RUFY3: variants seen among roughly 807,000 people sequenced by gnomAD.
RUFY3 encodes the protein protein RUFY3.
RUFY3 carries 34 observed loss-of-function variants against 84.0 expected under a neutral mutation model. The ratio of observed to expected loss-of-function variants is 0.40; its 90% CI spans 0.31 to 0.54. RUFY3 has a LOEUF of 0.54. Among genes scored for constraint, RUFY3 ranks in the 20% least tolerant of loss-of-function variants. The probability of loss-of-function intolerance (pLI) is 0.39; values close to 1 mark genes in which losing one functional copy is unlikely to be tolerated. For missense variants in RUFY3, 507 were observed against 736.8 expected, an observed-to-expected ratio of 0.69 and a Z score of 3.61; for synonymous variants, 242 against 252.9, an observed-to-expected ratio of 0.96 and a Z score of 0.41.
rs559867067 is a variant in RUFY3, at chr4:70,728,489, C to G, written c.178+5738C>G. Reference sequence around the variant, plus strand: ...AAGTTGAAATATCGGAAGTTGAACCCTCATAAGCCAGGGACTGTCTGTGAA... The same window carrying G: ...AAGTTGAAATATCGGAAGTTGAACCGTCATAAGCCAGGGACTGTCTGTGAA... On this transcript the variant is annotated intron_variant, in intron 1 of 17. Transcript: ENST00000381006. Among the ~76,000 whole-genome samples, 13 of 152,302 alleles carry G rather than the reference C, an allele frequency of 8.5e-5. No homozygotes were observed. In the East Asian group the frequency reaches 2.5e-3, roughly 29 times the overall value.
chr4:70,795,409 A>G (rs1229921228), intron 14 of RUFY3, among the ~76,000 whole-genome samples: 1 of 152,186 alleles, frequency 6.6e-6, no homozygotes. Flanking sequence ...AATACAGAAT[A>G]AAGAGCAAAA....
intron 1 of RUFY3, among the ~76,000 whole-genome samples, chr4:70,724,179 A>G (rs752343051): frequency 9.9e-5 from 15 of 152,274 alleles, no homozygotes; most frequent in Admixed American, 4.6e-4. Flanking sequence ...GTTACATCCA[A>G]CAATTCCAGT....
In RUFY3 at chr4:70,806,913, T is replaced by C. The variant is rs1173325563; in HGVS notation, c.*254T>C. On this transcript the variant is annotated 3_prime_UTR_variant, in exon 18 of 18. Coordinates refer to ENST00000381006, the MANE Select transcript of RUFY3 (RefSeq NM_001037442.4). ...TCTAAACAACCTGATATTGAAGGTT[T>C]GCTTTATAGCATATCTTTGGAAAGG... 1 of 354,796 alleles carries C rather than the reference T, an allele frequency of 2.8e-6. No homozygotes were observed. The highest frequency in any genetic ancestry group is 4.8e-5 in the East Asian group (1 of 20,944). The allele number at this position is 354,796 out of a possible 1,614,324, so 22.0% of individuals were successfully genotyped here. A position where few individuals can be genotyped will look rare whatever the true frequency, so the allele number is the denominator to read the frequency against.
intron 1 of RUFY3, among the ~76,000 whole-genome samples, chr4:70,749,035 A>G (rs899206076): frequency 2.6e-5 from 4 of 152,114 alleles, no homozygotes; most frequent in Non-Finnish European, 5.9e-5. Flanking sequence ...TCTAACTGCG[A>G]TTGCCCTCTC....
At chr4:70,721,825 C>T, upstream of RUFY3, 7 of 984,156 alleles carry the variant, frequency 7.1e-6, no homozygotes, top group Non-Finnish European at 8.4e-6. Context: ...TTGACTAGCA[C>T]AGTCTGGAAG....
At chr4:70,778,618 T>C (rs1196725448) in intron 8 of RUFY3, among the ~76,000 whole-genome samples, 180 bp downstream of exon 8, 1 of 150,548 alleles carries the variant, frequency 6.6e-6, no homozygotes, top group African/African-American at 2.4e-5. Context: ...TCGCTTTTGT[T>C]GCCCAGGCTG....
Position 70,764,529 on chromosome 4 carries a change from A to G in RUFY3, c.525A>G (p.Lys175=). ...TTCGTTTGGCATTAATGCAAAAGAAACTTTCAGAATATATGAAAGCTTTGA... is the reference window on the plus strand; with the variant it reads ...TTCGTTTGGCATTAATGCAAAAGAAGCTTTCAGAATATATGAAAGCTTTGA... ...AWLRLALMQK[K]LSEYMKALIN... is the part of the protein sequence containing the mutation. Residue 175 remains lysine, a synonymous_variant, in exon 4 of 18, where the codon AAA becomes AAG. Coordinates refer to ENST00000381006, the MANE Select transcript of RUFY3 (RefSeq NM_001037442.4). The G allele has an allele frequency of 6.2e-7, 1 of 1,613,812 alleles. No homozygotes were observed. Among genetic ancestry groups the G allele is most frequent in the Non-Finnish European group, 8.5e-7 (1 of 1,179,866 alleles).
intron 1 of RUFY3, among the ~76,000 whole-genome samples, chr4:70,743,195 A>G (rs1721597880): frequency 1.3e-5 from 2 of 151,840 alleles, no homozygotes; most frequent in Admixed American, 6.6e-5. Context: ...TCAGCTTCCT[A>G]AGTAGCTGGG....
chr4:70,705,321 C>A, intron 1 of RUFY3: 6 of 1,335,910 alleles, frequency 4.5e-6, no homozygotes, highest in Non-Finnish European at 5.7e-6. Flanking sequence ...CATGGGGACG[C>A]CCGCGGGGAA....
chr4:70,792,591 G>GT (rs1017116595), intron 12 of RUFY3: 3 of 985,134 alleles, frequency 3.0e-6, no homozygotes, highest in African/African-American at 3.5e-5. Context: ...AAATACTTGG[G>GT]TTTTTTTCTC....
intron 1 of RUFY3, among the ~76,000 whole-genome samples, chr4:70,759,884 C>A (rs2148698939): frequency 6.6e-6 from 1 of 152,234 alleles, no homozygotes; most frequent in African/African-American, 2.4e-5. Context: ...GTTGTCTTAA[C>A]CCACCAAAAA....
At chr4:70,713,936 A>C (rs1346982455) in intron 1 of RUFY3, among the ~76,000 whole-genome samples, 1 of 151,960 alleles carries the variant, frequency 6.6e-6, no homozygotes. Context: ...TTATGTGTTG[A>C]TAGGGTTTTT....
intron 10 of RUFY3, among the ~76,000 whole-genome samples, chr4:70,785,951 T>C (rs1343009986): frequency 1.3e-5 from 2 of 152,234 alleles, no homozygotes; most frequent in African/African-American, 4.8e-5. Context: ...TCTGTACTCC[T>C]ATGTTTATTG....
At chr4:70,733,096 GA>G (rs1238396587) in intron 1 of RUFY3, among the ~76,000 whole-genome samples, 16 of 43,016 alleles carry the variant, frequency 3.7e-4, no homozygotes, top group East Asian at 1.4e-3. Context: ...AGAGAGAGAG[GA>G]GAGAGAGAGA....
intron 1 of RUFY3, among the ~76,000 whole-genome samples, chr4:70,730,599 C>T (rs1246426889): frequency 4.1e-5 from 6 of 146,540 alleles, no homozygotes; most frequent in African/African-American, 7.9e-5. Context: ...ATTAGCTGGG[C>T]GTGGTGGCAG....
chr4:70,729,090 A>T (rs957945234), intron 1 of RUFY3, among the ~76,000 whole-genome samples: 4 of 152,128 alleles, frequency 2.6e-5, no homozygotes, highest in African/African-American at 9.7e-5. Flanking sequence ...AATGGGGTTG[A>T]TTTGGCAATT....
Position 70,763,655 on chromosome 4 carries a change from T to A in RUFY3, c.456T>A (p.Asp152Glu). The A allele has an allele frequency of 6.2e-7, 1 of 1,612,176 alleles. No homozygotes were observed. The highest frequency in any genetic ancestry group is 8.5e-7 in the Non-Finnish European group (1 of 1,179,056). ...EAAEITASVK[D>E]LPGLKTPVGR... ...CAGAGATAACAGCAAGTGTTAAAGATCTTCCAGGACTTAAGTAAGTCTAAG... is the reference window on the plus strand; with the variant it reads ...CAGAGATAACAGCAAGTGTTAAAGAACTTCCAGGACTTAAGTAAGTCTAAG... The change falls in exon 3 of 18, where the codon GAT becomes GAA. Residue 152 changes from aspartate to glutamate, a missense_variant. Transcript: ENST00000381006.
intron 16 of RUFY3, 66 bp downstream of exon 16, chr4:70,803,049 C>T (rs916512186): frequency 3.2e-6 from 4 of 1,240,900 alleles, no homozygotes; most frequent in Admixed American, 1.9e-5. Context: ...CGTGCCTAGC[C>T]AGCAAATAAG....
At chr4:70,751,715 G>A (rs1324186771) in intron 1 of RUFY3, among the ~76,000 whole-genome samples, 4 of 151,968 alleles carry the variant, frequency 2.6e-5, no homozygotes, top group Non-Finnish European at 4.4e-5. Flanking sequence ...TGATGATGTC[G>A]TTTGAAACAC....
Sources: gnomAD v4.1 joint callset for allele counts (sites outside exome capture counted in the v4.1 genomes callset) on GRCh38, gnomAD v4.1.1 for gene constraint, MANE v1.5 for transcripts, NCBI Gene and HGNC (gene_info 2026-07-23, HGNC 2026-07-21) for gene names.